Variants in TCHP observed in about 807,000 individuals in gnomAD.
TCHP encodes trichoplein keratin filament-binding protein.
Under a neutral mutation model 88.7 loss-of-function variants are expected in TCHP, and 81 were observed. That is an observed-to-expected ratio of 0.91 (90% confidence interval 0.76 to 1.10). TCHP has a LOEUF of 1.10. Among genes scored for constraint, TCHP ranks in the 50% least tolerant of loss-of-function variants. The pLI is 0.00. For synonymous variants in TCHP, 232 were observed against 232.5 expected, an observed-to-expected ratio of 1.00 and a Z score of 0.02; for missense variants, 641 against 632.1, an observed-to-expected ratio of 1.01 and a Z score of -0.15.
upstream of TCHP, among the ~76,000 whole-genome samples, chr12:109,897,054 G>A (rs770595585): frequency 3.3e-5 from 5 of 152,186 alleles, no homozygotes; most frequent in Admixed American, 6.5e-5. Context: ...CTTAGGCACT[G>A]GGATCAGGCA....
chr12:109,907,636 G>A lies in TCHP; in HGVS notation c.636G>A (p.Glu212=). The part of the protein sequence containing the change: ...MKAEEERRQL[E]DKLQAEALLQ... ...CTGAAGAGGAGAGGAGGCAGCTGGA[G>A]GACAAGCTCCAGGCCGAGGCACTGC... Residue 212 remains glutamate, a synonymous_variant, in exon 6 of 13, where the codon GAG becomes GAA. Coordinates refer to ENST00000405876, the MANE Select transcript of TCHP (RefSeq NM_001143852.2). 1 of 1,614,086 alleles carries A rather than the reference G, an allele frequency of 6.2e-7. No homozygotes were observed. Among genetic ancestry groups the A allele is most frequent in the Non-Finnish European group, 8.5e-7 (1 of 1,180,006 alleles).
rs576487191 is a variant in TCHP, at chr12:109,909,482, G to T, written c.879+545G>T. On this transcript the variant is annotated intron_variant, in intron 8 of 12. Coordinates refer to ENST00000405876, the MANE Select transcript of TCHP (RefSeq NM_001143852.2). ...GTTTTTGTATTTAAATCTAATTGAGGTTGCATTCCTCAGCATCTTCAATTA... is the reference window on the plus strand; with the variant it reads ...GTTTTTGTATTTAAATCTAATTGAGTTTGCATTCCTCAGCATCTTCAATTA... 7.5e-4 allele frequency among the ~76,000 whole-genome samples: 114 copies of T among 152,216 alleles called. 2 individuals carry two copies. In the South Asian group the frequency reaches 0.022, roughly 29 times the overall value.
At chr12:109,914,800 C>T (rs1592915487) in intron 11 of TCHP, 173 bp downstream of exon 11, 1 of 575,088 alleles carries the variant, frequency 1.7e-6, no homozygotes, top group Admixed American at 3.1e-5. Context: ...TGGCTTCTTT[C>T]CCTCCACATC....
At chr12:109,893,865 G>C in the TCHP span, among the ~76,000 whole-genome samples, 5 of 151,936 alleles carry the variant, frequency 3.3e-5, no homozygotes, top group Admixed American at 6.6e-5. Context: ...AATGGGGACA[G>C]AGAGAGAGAG....
chr12:109,911,068 A>C lies in TCHP; in HGVS notation c.885A>C (p.Ala295=). The C allele has an allele frequency of 6.3e-7, 1 of 1,576,300 alleles. No homozygotes were observed. Among genetic ancestry groups the C allele is most frequent in the Non-Finnish European group, 8.6e-7 (1 of 1,160,942 alleles). Residue 295 remains alanine, a synonymous_variant, in exon 9 of 13, where the codon GCA becomes GCC. Coordinates refer to ENST00000405876, the MANE Select transcript of TCHP (RefSeq NM_001143852.2). ...CCGCCCTCTGCTTCCTCTAGGAGGC[A>C]GACAGGCGGATCCTGCAGGCCCTCC... ...RTQQIQEELE[A]DRRILQALLE...
rs1429571466 is a variant in TCHP, at chr12:109,904,808, T to G, written c.456+15T>G. The G allele has an allele frequency of 6.2e-7, 1 of 1,608,232 alleles. No homozygotes were observed. The highest frequency in any genetic ancestry group is 1.3e-5 in the African/African-American group (1 of 74,710). On this transcript the variant is annotated intron_variant, in intron 4 of 12. Coordinates refer to ENST00000405876, the MANE Select transcript of TCHP (RefSeq NM_001143852.2). The stretch of plus-strand genomic sequence containing the variant: ...AACTTCGAGAGGTGAAAATCAGAGA[T>G]CTCCATTGATTTATCTAAGTAGATG...
chr12:109,914,661 C>T, intron 11 of TCHP, 34 bp downstream of exon 11: 4 of 1,572,596 alleles, frequency 2.5e-6, no homozygotes, highest in South Asian at 1.1e-5. Context: ...AGGCACCGGG[C>T]CTGCCAGGTT....
At chr12:109,883,665 A>T in the TCHP span, among the ~76,000 whole-genome samples, 1 of 152,040 alleles carries the variant, frequency 6.6e-6, no homozygotes, top group Non-Finnish European at 1.5e-5. Flanking sequence ...CCACACAGAG[A>T]TTGCACCCTA....
At chr12:109,881,617 T>G in the TCHP span, among the ~76,000 whole-genome samples, 2 of 152,220 alleles carry the variant, frequency 1.3e-5, no homozygotes. Context: ...TTTCCTTGCT[T>G]CGTTTGTGTG....
upstream of TCHP, among the ~76,000 whole-genome samples, chr12:109,898,330 C>T (rs1203024006): frequency 1.3e-5 from 2 of 152,212 alleles, no homozygotes; most frequent in Non-Finnish European, 2.9e-5. Context: ...CTGCCTCGGC[C>T]TCCCGAGTAG....
the TCHP span, among the ~76,000 whole-genome samples, chr12:109,894,700 G>A: frequency 6.1e-5 from 9 of 148,026 alleles, no homozygotes; most frequent in African/African-American, 2.3e-4. Flanking sequence ...AGGAGGCGGA[G>A]GTTGCAGTGA....
chr12:109,895,205 CTTTTTTT>C, the TCHP span, among the ~76,000 whole-genome samples: 45 of 130,218 alleles, frequency 3.5e-4, no homozygotes, highest in African/African-American at 1.2e-3. Context: ...TCAAGAATTA[CTTTTTTT>C]TTTTTTTTTT....
At position 109,909,067 on chromosome 12, in the gene TCHP, G is replaced by C. The variant is rs140576572; in HGVS notation, c.879+130G>C. The C allele has an allele frequency of 2.4e-6, 2 of 822,786 alleles. 1 individual carries two copies. Among genetic ancestry groups the C allele is most frequent in the South Asian group, 3.2e-5 (2 of 62,152 alleles). 51.0% of individuals were successfully genotyped at this position (822,786 alleles called of 1,614,324 possible). On this transcript the variant is annotated intron_variant, in intron 8 of 12. Coordinates refer to ENST00000405876, the MANE Select transcript of TCHP (RefSeq NM_001143852.2). ...GGGGTTGGGGGAAAGGGGAGATGTT[G>C]GTCAAAGGATACATCCCTCGGTTGG...
chr12:109,881,967 A>G, the TCHP span, among the ~76,000 whole-genome samples: 65 of 150,494 alleles, frequency 4.3e-4, no homozygotes, highest in Non-Finnish European at 8.9e-4. Context: ...CACTGAGGAT[A>G]AAGTGAATGA....
intron 10 of TCHP, 150 bp downstream of exon 10, chr12:109,913,222 G>A (rs1277876503): frequency 1.4e-6 from 1 of 699,752 alleles, no homozygotes; most frequent in African/African-American, 1.8e-5. Context: ...AAAGTAATAT[G>A]AGCTTAGTAG....
In TCHP at chr12:109,908,714, G is replaced by GC. The variant is rs780472821; in HGVS notation, c.812+22dup. ...CAGAGCTGGGGTGTGTGTCAGAAGGGCCCCCCACTCTTCCCAGGCGGGTGG... is the reference window on the plus strand; with the variant it reads ...CAGAGCTGGGGTGTGTGTCAGAAGGGCCCCCCCACTCTTCCCAGGCGGGTGG... On this transcript the variant is annotated intron_variant, in intron 7 of 12. Coordinates refer to ENST00000405876, the MANE Select transcript of TCHP (RefSeq NM_001143852.2). The GC allele has an allele frequency of 9.0e-5, 142 of 1,581,972 alleles. No homozygotes were observed. The Middle Eastern group carries it at 2.9e-3, about 33-fold the overall frequency.
chr12:109,884,170 A>G, the TCHP span, among the ~76,000 whole-genome samples: 1 of 152,110 alleles, frequency 6.6e-6, no homozygotes, highest in Admixed American at 6.5e-5. Flanking sequence ...AGCCTGGGTA[A>G]CAAAATGAGA....
Position 109,908,890 on chromosome 12 carries a change from T to G in TCHP, c.832T>G (p.Tyr278Asp), listed in dbSNP as rs775299938. The change falls in exon 8 of 13, where the codon TAT (tyrosine) becomes GAT (aspartate). Residue 278 changes from tyrosine to aspartate, a missense_variant. By Grantham distance (160) the Tyr-to-Asp change is radical (BLOSUM62 -3). Coordinates refer to ENST00000405876, the MANE Select transcript of TCHP (RefSeq NM_001143852.2). ...CTTCAGGCGTTTCTTGAGACATCAGTATAACGCTCAACTCAGCAGACGCAC... is the reference window on the plus strand; with the variant it reads ...CTTCAGGCGTTTCTTGAGACATCAGGATAACGCTCAACTCAGCAGACGCAC... Reference protein sequence around the residue: ...AELGRFLRHQYNAQLSRRTQQ... With the variant: ...AELGRFLRHQDNAQLSRRTQQ... 8.1e-6 allele frequency: 13 copies of G among 1,614,222 alleles called. No homozygotes were observed. Among genetic ancestry groups the G allele is most frequent in the Middle Eastern group, 1.6e-4 (1 of 6,062 alleles).
chr12:109,890,799 C>T, the TCHP span, among the ~76,000 whole-genome samples: 4 of 152,180 alleles, frequency 2.6e-5, no homozygotes, highest in East Asian at 1.9e-4. Flanking sequence ...CACGAGCCAC[C>T]GTGCTCAGCT....
Sources: gnomAD v4.1 joint callset for allele counts (sites outside exome capture counted in the v4.1 genomes callset) on GRCh38, gnomAD v4.1.1 for gene constraint, MANE v1.5 for transcripts, NCBI Gene and HGNC (gene_info 2026-07-23, HGNC 2026-07-21) for gene names.